CCDC91: variants seen among roughly 807,000 people sequenced by gnomAD.
CCDC91 encodes coiled-coil domain containing 91, also known as coiled-coil domain-containing protein 91.
In CCDC91, 48 loss-of-function variants were observed where a neutral mutation model predicts 63.2. That is an observed-to-expected ratio of 0.76 (90% CI 0.60 to 0.97). CCDC91 has a LOEUF of 0.97. Among genes scored for constraint, CCDC91 ranks in the 50% least tolerant of loss-of-function variants. The pLI is 0.00. For missense variants in CCDC91, 500 were observed against 494.6 expected (o/e 1.01, Z -0.10); for synonymous variants, 167 against 165.8 (o/e 1.01, Z -0.06).
At chr12:28,375,006 TTATAC>T (rs914576707) in intron 7 of CCDC91, among the ~76,000 whole-genome samples, 12 of 152,122 alleles carry the variant, frequency 7.9e-5, no homozygotes, top group African/African-American at 2.9e-4. Flanking sequence ...CTGCCAGAAT[TTATAC>T]TTTGAGACTG....
At chr12:28,346,563 G>A (rs186191620) in intron 6 of CCDC91, among the ~76,000 whole-genome samples, 27 of 152,180 alleles carry the variant, frequency 1.8e-4, no homozygotes, top group Admixed American at 2.6e-4. Flanking sequence ...TATTGAATTC[G>A]TTTTTTGCTT....
intron 8 of CCDC91, among the ~76,000 whole-genome samples, chr12:28,416,143 A>G (rs2139815681): frequency 6.6e-6 from 1 of 152,152 alleles, no homozygotes; most frequent in Non-Finnish European, 1.5e-5. Context: ...AAGGGTACTA[A>G]TGTCTTTATA....
intron 8 of CCDC91, among the ~76,000 whole-genome samples, chr12:28,448,532 C>A (rs1949646623): frequency 6.6e-6 from 1 of 152,118 alleles, no homozygotes; most frequent in Non-Finnish European, 1.5e-5. Flanking sequence ...TTATAAACAT[C>A]ACATTGTCAT....
chr12:28,448,531 T>C (rs1370169116), intron 8 of CCDC91, among the ~76,000 whole-genome samples: 1 of 152,202 alleles, frequency 6.6e-6, no homozygotes. Context: ...TTTATAAACA[T>C]CACATTGTCA....
chr12:28,342,308 T>C (rs1430624445), intron 6 of CCDC91, among the ~76,000 whole-genome samples: 1 of 152,172 alleles, frequency 6.6e-6, no homozygotes, highest in East Asian at 1.9e-4. Context: ...TTCTGACTTA[T>C]AGAACTGTAA....
chr12:28,503,824 C>G (rs538404805), intron 12 of CCDC91, among the ~76,000 whole-genome samples: 134 of 151,496 alleles, frequency 8.8e-4, no homozygotes, highest in African/African-American at 3.0e-3. Context: ...TCTCAGTAAA[C>G]TATCACAAGG....
intron 6 of CCDC91, among the ~76,000 whole-genome samples, chr12:28,348,399 G>C (rs534433285): frequency 2.0e-5 from 3 of 152,166 alleles, no homozygotes; most frequent in Non-Finnish European, 4.4e-5. Context: ...CAGTGCCCGC[G>C]TACCCACTCA....
chr12:28,301,508 A>G (rs2136999997), intron 3 of CCDC91, among the ~76,000 whole-genome samples: 1 of 151,594 alleles, frequency 6.6e-6, no homozygotes, highest in African/African-American at 2.4e-5. Flanking sequence ...GTGATACTCT[A>G]ATCTGAAAAT....
chr12:28,468,906 C>G (rs1950671530), intron 11 of CCDC91, among the ~76,000 whole-genome samples: 1 of 151,894 alleles, frequency 6.6e-6, no homozygotes, highest in African/African-American at 2.4e-5. Flanking sequence ...GATAAAAACC[C>G]TTAAAAAACT....
chr12:28,236,147 TTTTA>T (rs1474912167), intron 1 of CCDC91: 16 of 152,092 alleles, frequency 1.1e-4, no homozygotes, highest in Admixed American at 7.2e-4. Flanking sequence ...GATCTCTATA[TTTTA>T]TTTAATTGAT....
intron 1 of CCDC91, among the ~76,000 whole-genome samples, chr12:28,250,654 C>A (rs1259554097): frequency 6.6e-6 from 1 of 152,010 alleles, no homozygotes; most frequent in Middle Eastern, 3.2e-3. Flanking sequence ...AAAAGGAAGT[C>A]ATGTGGGAAC....
At chr12:28,401,691 G>C (rs1208409429) in intron 8 of CCDC91, among the ~76,000 whole-genome samples, 15 of 152,126 alleles carry the variant, frequency 9.9e-5, no homozygotes, top group African/African-American at 3.6e-4. Flanking sequence ...TTGACACACA[G>C]GGCTTATTAC....
chr12:28,498,667 C>T (rs191701624), intron 12 of CCDC91, among the ~76,000 whole-genome samples: 48 of 151,768 alleles, frequency 3.2e-4, no homozygotes, highest in Admixed American at 9.9e-4. Flanking sequence ...TTCTCTCCTA[C>T]CAACCTTACT....
At chr12:28,227,153 A>G (rs1430948846) in intron 1 of CCDC91, among the ~76,000 whole-genome samples, 1 of 152,082 alleles carries the variant, frequency 6.6e-6, no homozygotes, top group Non-Finnish European at 1.5e-5. Flanking sequence ...TACTTTGATC[A>G]TTTGGCTAAG....
chr12:28,226,958 T>A (rs1367816818), intron 1 of CCDC91, among the ~76,000 whole-genome samples: 1 of 152,090 alleles, frequency 6.6e-6, no homozygotes, highest in South Asian at 2.1e-4. Context: ...GGTCAGACAT[T>A]TTGTAGGTTA....
At chr12:28,227,342 A>G (rs1377874112) in intron 1 of CCDC91, among the ~76,000 whole-genome samples, 1 of 152,124 alleles carries the variant, frequency 6.6e-6, no homozygotes, top group Non-Finnish European at 1.5e-5. Context: ...GATGATGACC[A>G]TGGATATTTA....
At chr12:28,192,655 G>A (rs1941360039) in intron 1 of CCDC91, among the ~76,000 whole-genome samples, 1 of 151,730 alleles carries the variant, frequency 6.6e-6, no homozygotes, top group Non-Finnish European at 1.5e-5. Context: ...AGGATTTTTG[G>A]TCTCCTTACT....
intron 8 of CCDC91, among the ~76,000 whole-genome samples, chr12:28,449,859 G>A (rs11049613): frequency 6.6e-4 from 100 of 151,534 alleles, no homozygotes; most frequent in African/African-American, 2.1e-3. Context: ...GTAATTTTTC[G>A]AAATTTAATC....
chr12:28,371,046 TATC>T (rs1286162942), intron 7 of CCDC91, among the ~76,000 whole-genome samples: 2 of 152,154 alleles, frequency 1.3e-5, no homozygotes, highest in African/African-American at 2.4e-5. Context: ...TTCACTCTCT[TATC>T]ATATTTTTTT....
Sources: allele counts gnomAD v4.1 joint callset (sites outside exome capture counted in the v4.1 genomes callset), GRCh38; gene constraint gnomAD v4.1.1; transcripts MANE v1.5; gene names NCBI Gene and HGNC (gene_info 2026-07-23, HGNC 2026-07-21).